Variants in CRACR2A observed in about 807,000 individuals in gnomAD.
CRACR2A encodes the protein EF-hand calcium-binding domain-containing protein 4B.
In CRACR2A, 79 loss-of-function variants were observed where a neutral mutation model predicts 90.5. That is an observed-to-expected ratio of 0.87 (90% confidence interval 0.73 to 1.05). The LOEUF is 1.05. Among genes scored for constraint, CRACR2A ranks in the 50% least tolerant of loss-of-function variants. CRACR2A has a pLI of 0.00. For synonymous variants in CRACR2A, 338 were observed against 356.7 expected (o/e 0.95, Z 0.59); for missense variants, 823 against 897.2 (o/e 0.92, Z 1.06).
At chr12:3,672,633 G>A (rs892804773) in intron 7 of CRACR2A, 1 of 468,650 alleles carries the variant, frequency 2.1e-6, no homozygotes, top group Non-Finnish European at 2.8e-6. Flanking sequence ...GTAAATGTTT[G>A]TTAAAGGACT....
At chr12:3,639,648 CA>C (rs1157595592) in intron 13 of CRACR2A, among the ~76,000 whole-genome samples, 3 of 151,640 alleles carry the variant, frequency 2.0e-5, no homozygotes, top group African/African-American at 7.3e-5. Flanking sequence ...TAAAGATCAA[CA>C]GTAGAAAGGA....
intron 4 of CRACR2A, among the ~76,000 whole-genome samples, chr12:3,695,285 G>A (rs1945719874): frequency 6.6e-6 from 1 of 152,136 alleles, no homozygotes; most frequent in Admixed American, 6.5e-5. Context: ...TCACAGACAG[G>A]GGTTTGTCAA....
At chr12:3,662,757 G>A (rs1248121648) in intron 7 of CRACR2A, among the ~76,000 whole-genome samples, 1 of 152,244 alleles carries the variant, frequency 6.6e-6, no homozygotes, top group African/African-American at 2.4e-5. Flanking sequence ...CCAGGAGCCT[G>A]TGTCTGCAGG....
At chr12:3,640,153 CTG>C (rs746144075) in intron 13 of CRACR2A, among the ~76,000 whole-genome samples, 6 of 152,256 alleles carry the variant, frequency 3.9e-5, no homozygotes, top group Non-Finnish European at 7.3e-5. Flanking sequence ...CACGGCATGA[CTG>C]AGTTCATTTT....
At chr12:3,738,997 T>C (rs553336947) in intron 1 of CRACR2A, among the ~76,000 whole-genome samples, 5 of 151,862 alleles carry the variant, frequency 3.3e-5, no homozygotes, top group Admixed American at 6.6e-5. Flanking sequence ...CTTAAAAAGA[T>C]ATCCTTTAAG....
rs1944989213 is a variant in CRACR2A at position 3,659,622 on chromosome 12, T to C, written c.704A>G (p.His235Arg). The change falls in exon 8 of 20, where the codon CAT (histidine) becomes CGT (arginine). Residue 235 changes from histidine to arginine, a missense_variant. Coordinates refer to ENST00000440314, the MANE Select transcript of CRACR2A (RefSeq NM_001144958.2). ...TTGTTGTTCCATCTCCTCATAGAGA[T>C]GCTGGATTTCTTCATCATAAGCAGC... Reference protein sequence around the residue: ...KIAAYDEEIQHLYEEMEQQIK... With the variant: ...KIAAYDEEIQRLYEEMEQQIK... The C allele has an allele frequency of 6.2e-7, 1 of 1,614,200 alleles. No homozygotes were observed.
intron 15 of CRACR2A, among the ~76,000 whole-genome samples, chr12:3,628,787 C>A (rs769209055): frequency 2.6e-5 from 4 of 152,226 alleles, no homozygotes; most frequent in Non-Finnish European, 5.9e-5. Context: ...GGAAGACAAA[C>A]AGCAACAGCA....
At chr12:3,678,158 G>C (rs1036992418) in intron 6 of CRACR2A, among the ~76,000 whole-genome samples, 6 of 152,112 alleles carry the variant, frequency 3.9e-5, no homozygotes, top group Non-Finnish European at 8.8e-5. Flanking sequence ...TGCTTTTCAG[G>C]CCCTCTGTTT....
intron 1 of CRACR2A, among the ~76,000 whole-genome samples, chr12:3,738,306 G>A (rs916946478): frequency 1.3e-5 from 2 of 151,984 alleles, no homozygotes; most frequent in Non-Finnish European, 1.5e-5. Flanking sequence ...AGGAATTCAC[G>A]GGCCAGGGGC....
intron 10 of CRACR2A, among the ~76,000 whole-genome samples, chr12:3,653,050 T>G (rs1294424371): frequency 6.6e-6 from 1 of 151,806 alleles, no homozygotes; most frequent in Non-Finnish European, 1.5e-5. Flanking sequence ...TGGCACGATC[T>G]TGGCTCACTG....
chr12:3,745,825 T>TAATAAAATAAAG lies in CRACR2A; in HGVS notation c.-387+7189_-387+7190insCTTTATTTTATT, dbSNP rs1555123102. ...TAAAATAAAATAAAATAAAATAAAATAAAGAAAGAAAAGAGAAGAGAAAAG... is the reference window on the plus strand; with the variant it reads ...TAAAATAAAATAAAATAAAATAAAATAATAAAATAAAGAAAGAAAGAAAAGAGAAGAGAAAAG... On this transcript the variant is annotated intron_variant, in intron 1 of 19. Coordinates refer to ENST00000440314, the MANE Select transcript of CRACR2A (RefSeq NM_001144958.2). Among the ~76,000 whole-genome samples the TAATAAAATAAAG allele has an allele frequency of 8.4e-4, 84 of 100,534 alleles. No homozygotes were observed. The South Asian group carries it at 0.011, about 14-fold the overall frequency. 66.0% of individuals were successfully genotyped at this position (100,534 alleles called of 152,430 possible).
intron 15 of CRACR2A, among the ~76,000 whole-genome samples, chr12:3,628,528 G>A (rs1944319668): frequency 6.6e-6 from 1 of 152,140 alleles, no homozygotes; most frequent in South Asian, 2.1e-4. Flanking sequence ...ACCCTACCTG[G>A]GGTCCTCAAC....
In CRACR2A at chr12:3,708,377, T is replaced by A. The variant is rs932249253; in HGVS notation, c.-37+4860A>T. On this transcript the variant is annotated intron_variant, in intron 3 of 19. Transcript: ENST00000440314. ...ATGTGTGGCTTTCTCCTACCTCCCA[T>A]CCTGCTTCCCCATCCCTTATCAGGT... 2.6e-5 allele frequency among the ~76,000 whole-genome samples: 4 copies of A among 152,240 alleles called. No individual in the cohort carries two copies. In the East Asian group the frequency reaches 7.7e-4, roughly 29 times the overall value.
At chr12:3,681,949 G>C (rs1027515204) in intron 4 of CRACR2A, among the ~76,000 whole-genome samples, 1 of 152,194 alleles carries the variant, frequency 6.6e-6, no homozygotes, top group African/African-American at 2.4e-5. Flanking sequence ...AGGAGAGTGA[G>C]AGAGAGTGTG....
At chr12:3,650,242 C>T (rs1399091066) in intron 10 of CRACR2A, among the ~76,000 whole-genome samples, 1 of 152,174 alleles carries the variant, frequency 6.6e-6, no homozygotes, top group African/African-American at 2.4e-5. Flanking sequence ...AAAAACTGCA[C>T]CAACATGCTG....
At chr12:3,686,375 CA>C (rs1284009706) in intron 4 of CRACR2A, among the ~76,000 whole-genome samples, 1 of 152,176 alleles carries the variant, frequency 6.6e-6, no homozygotes, top group Non-Finnish European at 1.5e-5. Flanking sequence ...ACTTTACTTA[CA>C]AAAACAGGTA....
At chr12:3,647,888 T>C (rs75372075) in intron 11 of CRACR2A, 1 of 985,444 alleles carries the variant, frequency 1.0e-6, no homozygotes, top group African/African-American at 1.7e-5. Flanking sequence ...AAAAATTCCA[T>C]CTTTCCCCAC....
Position 3,616,976 on chromosome 12 carries a change from CTT to C in CRACR2A, c.2087_2088del (p.Lys696ArgfsTer29). 1 of 1,551,574 alleles carries C rather than the reference CTT, an allele frequency of 6.4e-7. No individual in the cohort carries two copies. The highest frequency in any genetic ancestry group is 8.7e-7 in the Non-Finnish European group (1 of 1,146,902). ...TACCTGGCCAGATGGAGCAGGGACT[CTT>C]TGGTGTTGTGACCAGAGTAGGCGCT... is the stretch of plus-strand genomic sequence containing the variant. ...ECSAYSGHNT[K>X]ESLLHLARFL... On this transcript the variant is annotated frameshift_variant, in exon 19 of 20. Coordinates refer to ENST00000440314, the MANE Select transcript of CRACR2A (RefSeq NM_001144958.2). LOFTEE classifies it high-confidence loss of function.
chr12:3,748,465 G>C (rs1322211870), intron 1 of CRACR2A, among the ~76,000 whole-genome samples: 6 of 152,136 alleles, frequency 3.9e-5, no homozygotes, highest in Non-Finnish European at 8.8e-5. Flanking sequence ...AGAAAGCCAG[G>C]GCTGGGAGCC....
Sources: gnomAD v4.1 joint callset for allele counts (sites outside exome capture counted in the v4.1 genomes callset) on GRCh38, gnomAD v4.1.1 for gene constraint, MANE v1.5 for transcripts, NCBI Gene and HGNC (gene_info 2026-07-23, HGNC 2026-07-21) for gene names.